PDE10A: variants seen among roughly 807,000 people sequenced by gnomAD.
The protein encoded by PDE10A is phosphodiesterase 10A.
A neutral mutation model predicts 97.7 loss-of-function variants in PDE10A; 39 were observed. That is an observed-to-expected ratio of 0.40 (90% CI 0.31 to 0.52). The LOEUF is 0.52. Ranked by LOEUF, PDE10A falls within the 20% of genes least tolerant of loss-of-function variation. The pLI is 0.56. For missense variants in PDE10A, 731 were observed against 1,047.8 expected (o/e 0.70, Z 4.17); for synonymous variants, 371 against 376.8 (o/e 0.98, Z 0.18).
chr6:165,592,930 C>T (rs4354127), intron 1 of PDE10A, among the ~76,000 whole-genome samples: 107,939 of 152,016 alleles, frequency 0.71, 40,195 homozygotes, highest in Non-Finnish European at 0.83. Context: ...ACCATTTGAC[C>T]CAGCCATCCC....
intron 1 of PDE10A, among the ~76,000 whole-genome samples, chr6:165,705,607 T>C (rs1423625949): frequency 6.6e-6 from 1 of 152,202 alleles, no homozygotes; most frequent in African/African-American, 2.4e-5. Context: ...ATGTCAAATA[T>C]AATTGACAAT....
intron 21 of PDE10A, among the ~76,000 whole-genome samples, chr6:165,334,257 A>G (rs2128173490): frequency 6.6e-6 from 1 of 152,340 alleles, no homozygotes; most frequent in African/African-American, 2.4e-5. Flanking sequence ...GAGCTCCACA[A>G]GGAAGGCACC....
In PDE10A at chr6:165,826,468, T is replaced by C. The variant is rs550691416; in HGVS notation, c.-615+161061A>G. 1.2e-3 allele frequency among the ~76,000 whole-genome samples: 150 copies of C among 128,502 alleles called. 1 individual carries two copies. Among genetic ancestry groups the C allele is most frequent in the Non-Finnish European group, 2.3e-3 (129 of 54,900 alleles). The allele number at this position is 128,502 out of a possible 152,430, so 84.3% of individuals were successfully genotyped here. ...TTGTCCCTGTGTCTCTCTGTCCCCATGTCCACCTGTCCCCACGTCCCTCTG... is the reference window on the plus strand; with the variant it reads ...TTGTCCCTGTGTCTCTCTGTCCCCACGTCCACCTGTCCCCACGTCCCTCTG... On this transcript the variant is annotated intron_variant, in intron 1 of 19. Transcript: ENST00000366882.
chr6:165,899,819 G>A (rs895333257), intron 1 of PDE10A, among the ~76,000 whole-genome samples: 1 of 152,238 alleles, frequency 6.6e-6, no homozygotes, highest in Non-Finnish European at 1.5e-5. Flanking sequence ...AGTTGCTACA[G>A]AATCAACTGC....
intron 18 of PDE10A, among the ~76,000 whole-genome samples, chr6:165,350,916 T>C (rs1451058924): frequency 6.6e-6 from 1 of 152,196 alleles, no homozygotes; most frequent in African/African-American, 2.4e-5. Flanking sequence ...CATGCTAAAC[T>C]GTGAGTAAAT....
At chr6:165,680,698 G>A (rs1186554080) in intron 1 of PDE10A, among the ~76,000 whole-genome samples, 2 of 152,158 alleles carry the variant, frequency 1.3e-5, no homozygotes, top group African/African-American at 2.4e-5. Flanking sequence ...GAGGTCAAGC[G>A]TTCGAGACCA....
At chr6:165,549,986 CT>C (rs1414431189) in intron 1 of PDE10A, among the ~76,000 whole-genome samples, 9 of 152,164 alleles carry the variant, frequency 5.9e-5, no homozygotes, top group Non-Finnish European at 1.5e-5. Flanking sequence ...AATTTTGTGT[CT>C]GTATTAATTT....
intron 17 of PDE10A, among the ~76,000 whole-genome samples, chr6:165,385,785 T>C (rs144466125): frequency 2.0e-5 from 3 of 152,342 alleles, no homozygotes; most frequent in Non-Finnish European, 2.9e-5. Flanking sequence ...TGTCTGTTTA[T>C]GGCCCCAATA....
At chr6:165,553,507 C>A (rs577586276) in intron 1 of PDE10A, among the ~76,000 whole-genome samples, 32 of 152,268 alleles carry the variant, frequency 2.1e-4, no homozygotes, top group Admixed American at 4.6e-4. Flanking sequence ...TTCTTTCCAT[C>A]CAAGTACATT....
Position 165,483,253 on chromosome 6 carries a change from C to A in PDE10A, c.995-910G>T, listed in dbSNP as rs182331675. On this transcript the variant is annotated intron_variant, in intron 2 of 21. Coordinates refer to ENST00000539869, the MANE Select transcript of PDE10A (RefSeq NM_001385079.1). ...AGCAATCAAACCCTGTTGTCTGTCACCATCAGAATGAACTTAACATACCAA... is the reference window on the plus strand; with the variant it reads ...AGCAATCAAACCCTGTTGTCTGTCAACATCAGAATGAACTTAACATACCAA... Among the ~76,000 whole-genome samples the A allele has an allele frequency of 7.2e-5, 11 of 152,306 alleles. No homozygotes were observed. In the East Asian group the frequency reaches 2.1e-3, roughly 29 times the overall value.
Position 165,743,565 on chromosome 6 carries a change from C to T in PDE10A, c.-614-199997G>A, listed in dbSNP as rs142522293. The stretch of plus-strand genomic sequence containing the variant: ...GTCATCATCTTACTTGGTGTTTGGG[C>T]CTCAGTTTCTCAATCCATAAAATGG... On this transcript the variant is annotated intron_variant, in intron 1 of 19. Transcript: ENST00000366882. Among the ~76,000 whole-genome samples, 4 of 152,212 alleles carry T rather than the reference C, an allele frequency of 2.6e-5. No homozygotes were observed. The East Asian group carries it at 7.7e-4, about 29-fold the overall frequency.
intron 1 of PDE10A, among the ~76,000 whole-genome samples, chr6:165,877,239 G>T (rs1214900198): frequency 6.6e-6 from 1 of 152,094 alleles, no homozygotes; most frequent in African/African-American, 2.4e-5. Context: ...TTCCTCTTCT[G>T]GTTTTGCTCT....
chr6:165,701,523 G>A (rs1393313606), intron 1 of PDE10A, among the ~76,000 whole-genome samples: 1 of 152,134 alleles, frequency 6.6e-6, no homozygotes, highest in Non-Finnish European at 1.5e-5. Flanking sequence ...TGAATAATAT[G>A]GTTTCTGCCA....
At chr6:165,754,012 A>G (rs1793062612) in intron 1 of PDE10A, among the ~76,000 whole-genome samples, 1 of 152,170 alleles carries the variant, frequency 6.6e-6, no homozygotes, top group African/African-American at 2.4e-5. Flanking sequence ...AACACCATGA[A>G]AAGCCCAGGA....
intron 1 of PDE10A, among the ~76,000 whole-genome samples, chr6:165,927,647 C>T (rs369773994): frequency 5.5e-4 from 40 of 73,222 alleles, no homozygotes; most frequent in South Asian, 1.1e-3. Flanking sequence ...ATGAGAATGA[C>T]ATATATATAT....
At chr6:165,372,468 C>G (rs961817822) in intron 18 of PDE10A, among the ~76,000 whole-genome samples, 2 of 119,690 alleles carry the variant, frequency 1.7e-5, no homozygotes, top group African/African-American at 3.9e-5. Context: ...TGAGTGAACT[C>G]CCATTCACAG....
intron 1 of PDE10A, among the ~76,000 whole-genome samples, chr6:165,811,976 C>T (rs1656411226): frequency 6.6e-6 from 1 of 152,098 alleles, no homozygotes; most frequent in Admixed American, 6.5e-5. Flanking sequence ...ACCTAGCCTC[C>T]CGAGTAGCTG....
chr6:165,659,390 C>T (rs184082320), intron 1 of PDE10A, among the ~76,000 whole-genome samples: 8 of 152,024 alleles, frequency 5.3e-5, no homozygotes, highest in Non-Finnish European at 1.2e-4. Flanking sequence ...ATTTTTTAAA[C>T]GATACATATC....
intron 12 of PDE10A, among the ~76,000 whole-genome samples, chr6:165,415,577 T>C (rs1369350834): frequency 1.3e-5 from 2 of 152,210 alleles, no homozygotes; most frequent in Non-Finnish European, 2.9e-5. Context: ...TCTTTAATAA[T>C]ATCCAATAAA....
Sources: gnomAD v4.1 joint callset for allele counts (sites outside exome capture counted in the v4.1 genomes callset) on GRCh38, gnomAD v4.1.1 for gene constraint, MANE v1.5 for transcripts, NCBI Gene and HGNC (gene_info 2026-07-23, HGNC 2026-07-21) for gene names.